The following PKD2 variants were observed in gnomAD, a reference collection of about 807,000 sequenced individuals.
The protein encoded by PKD2 is polycystin-2.
Under a neutral mutation model 105.9 loss-of-function variants are expected in PKD2, and 48 were observed. The observed-to-expected ratio is 0.45, with a 90% CI of 0.36 to 0.58. The LOEUF (loss-of-function observed/expected upper bound fraction) is 0.58. PKD2 is among the 20% of genes least tolerant of loss of function. The pLI, the probability that PKD2 is intolerant of heterozygous loss-of-function variation, is 0.00. For missense variants in PKD2, 1,078 were observed against 1,255.3 expected (o/e 0.86, Z 2.13); for synonymous variants, 464 against 481.1 (o/e 0.96, Z 0.46).
rs1720984338 is a variant in PKD2, at chr4:88,070,591, TA to T, written c.2522+2531del. The stretch of plus-strand genomic sequence containing the variant: ...TATTTATTTTATATATATATATATA[TA>T]TATATATATAGAGAGAGAGAGAGAG... On this transcript the variant is annotated intron_variant, in intron 13 of 14. Transcript: ENST00000237596. 1.3e-4 allele frequency among the ~76,000 whole-genome samples: 14 copies of T among 104,202 alleles called. 1 individual carries two copies. Among genetic ancestry groups the T allele is most frequent in the Admixed American group, 1.2e-4 (1 of 8,654 alleles). The allele number at this position is 104,202 out of a possible 152,430, so 68.4% of individuals were successfully genotyped here.
intron 2 of PKD2, among the ~76,000 whole-genome samples, chr4:88,030,661 G>T (rs1727113897): frequency 6.6e-6 from 1 of 152,122 alleles, no homozygotes; most frequent in African/African-American, 2.4e-5. Context: ...AAGCTTAGTG[G>T]TGCCCACCCG....
At chr4:88,044,205 A>G (rs1184493360) in intron 5 of PKD2, among the ~76,000 whole-genome samples, 1 of 152,240 alleles carries the variant, frequency 6.6e-6, no homozygotes, top group East Asian at 1.9e-4. Context: ...ACATTAAACA[A>G]TACAAATAAA....
chr4:88,017,839 A>C (rs893620421), intron 1 of PKD2, among the ~76,000 whole-genome samples: 1 of 152,206 alleles, frequency 6.6e-6, no homozygotes, highest in Non-Finnish European at 1.5e-5. Context: ...AAAGAATGAA[A>C]TCATTGACCA....
intron 9 of PKD2, among the ~76,000 whole-genome samples, chr4:88,059,984 G>T (rs1032342347): frequency 6.6e-6 from 1 of 152,178 alleles, no homozygotes; most frequent in Admixed American, 6.5e-5. Flanking sequence ...CAACAGGAAA[G>T]ACATCCTGGT....
At chr4:88,036,133 C>T in intron 2 of PKD2, 87 bp from the exon 3 acceptor site, 1 of 1,610,534 alleles carries the variant, frequency 6.2e-7, no homozygotes, top group Admixed American at 1.7e-5. Flanking sequence ...TGTTTATCCA[C>T]AGGAACAATC....
At chr4:88,043,526 C>T (rs942294642) in intron 5 of PKD2, 69 bp downstream of exon 5, 1 of 1,165,796 alleles carries the variant, frequency 8.6e-7, no homozygotes, top group East Asian at 2.4e-5. Flanking sequence ...CTGGGGTTAG[C>T]CAGAAAAACC....
At chr4:88,030,752 G>A (rs764922986) in intron 2 of PKD2, among the ~76,000 whole-genome samples, 4 of 152,210 alleles carry the variant, frequency 2.6e-5, no homozygotes, top group East Asian at 1.9e-4. Flanking sequence ...CAGCTCATGC[G>A]TTCACCGCCC....
intron 11 of PKD2, 59 bp downstream of exon 11, chr4:88,065,554 G>A: frequency 6.4e-7 from 1 of 1,558,988 alleles, no homozygotes; most frequent in Non-Finnish European, 8.8e-7. Flanking sequence ...TAAATTCCTG[G>A]TGATAAGAGT....
In PKD2 at chr4:88,038,261, G is replaced by C. The variant is rs1207656083; in HGVS notation, c.854G>C (p.Gly285Ala). 6.2e-7 allele frequency: 1 copy of C among 1,614,048 alleles called. No homozygotes were observed. Among genetic ancestry groups the C allele is most frequent in the Admixed American group, 1.7e-5 (1 of 60,014 alleles). ...SMEDFWKFTE[G>A]SLLDGLYWKM... is the part of the protein sequence containing the mutation. The stretch of plus-strand genomic sequence containing the variant: ...TTCCTTTGCTTTTAGTTCACAGAAG[G>C]CTCCTTATTGGATGGGCTGTACTGG... Residue 285 changes from glycine (G) to alanine (A), a missense_variant, in exon 4 of 15, where the codon GGC (glycine) becomes GCC (alanine). Around this residue, in one of 2 missense-constraint regions of PKD2, gnomAD observed 868 missense variants for 1,067.3 expected, o/e 0.81. Coordinates refer to ENST00000237596, the MANE Select transcript of PKD2 (RefSeq NM_000297.4).
intron 10 of PKD2, among the ~76,000 whole-genome samples, chr4:88,063,479 C>T (rs1335999293): frequency 6.7e-6 from 1 of 149,934 alleles, no homozygotes; most frequent in African/African-American, 2.5e-5. Context: ...TGCAGTGAGC[C>T]GAGATCGTGC....
intron 1 of PKD2, among the ~76,000 whole-genome samples, chr4:88,016,759 G>A (rs1188289795): frequency 1.3e-5 from 2 of 152,096 alleles, no homozygotes; most frequent in African/African-American, 2.4e-5. Context: ...TCAGGAGTTT[G>A]AGGCCAGCCT....
At chr4:88,021,346 G>A (rs1304461365) in intron 2 of PKD2, among the ~76,000 whole-genome samples, 1 of 152,200 alleles carries the variant, frequency 6.6e-6, no homozygotes, top group Non-Finnish European at 1.5e-5. Flanking sequence ...AGGTAAGTCA[G>A]AGAAGTAAGC....
chr4:88,030,886 G>C (rs1300171697), intron 2 of PKD2, among the ~76,000 whole-genome samples: 7 of 151,950 alleles, frequency 4.6e-5, no homozygotes, highest in Non-Finnish European at 8.8e-5. Flanking sequence ...CTAACACACA[G>C]AATTTCCTGT....
rs761228697 is a variant in PKD2 at position 88,052,205 on chromosome 4, A to G, written c.1716+47A>G. 26 of 1,197,168 alleles carry G rather than the reference A, an allele frequency of 2.2e-5. No homozygotes were observed. The African/African-American group carries it at 3.9e-4, about 18-fold the overall frequency. The allele number at this position is 1,197,168 out of a possible 1,614,324, so 74.2% of individuals were successfully genotyped here. On this transcript the variant is annotated intron_variant, in intron 7 of 14. Coordinates refer to ENST00000237596, the MANE Select transcript of PKD2 (RefSeq NM_000297.4). ...CTACATTTTAAATAATATTTTCTTTAAAAAAAATGAGTTCCACAAAATCAT... is the reference window on the plus strand; with the variant it reads ...CTACATTTTAAATAATATTTTCTTTGAAAAAAATGAGTTCCACAAAATCAT...
At chr4:88,055,638 C>A (rs1019599432) in intron 7 of PKD2, among the ~76,000 whole-genome samples, 1 of 140,862 alleles carries the variant, frequency 7.1e-6, no homozygotes, top group Non-Finnish European at 1.6e-5. Context: ...TGCACTCAGC[C>A]TTTTTTTTTT....
intron 9 of PKD2, among the ~76,000 whole-genome samples, chr4:88,061,665 G>A (rs903527227): frequency 1.3e-5 from 2 of 152,014 alleles, no homozygotes; most frequent in South Asian, 4.1e-4. Context: ...TTGAACCCAG[G>A]AGGCAGAGGT....
rs751602478 is a variant in PKD2, at chr4:88,009,661, A to C, written c.595+1333A>C. 4.9e-4 allele frequency among the ~76,000 whole-genome samples: 75 copies of C among 152,224 alleles called. 2 individuals carry two copies. The highest frequency in any genetic ancestry group is 2.5e-4 in the Non-Finnish European group (17 of 68,044). On this transcript the variant is annotated intron_variant, in intron 1 of 14. Transcript: ENST00000237596. ...GTTTATGGAGATTCTTATACTAGTT[A>C]ATTTTATTAAAAGCATGATGGGGAA... is the stretch of plus-strand genomic sequence containing the variant.
rs1241201430 is a variant in PKD2, at chr4:88,075,441, T to A, written c.2671-17T>A. 1 of 1,595,898 alleles carries A rather than the reference T, an allele frequency of 6.3e-7. No homozygotes were observed. The stretch of plus-strand genomic sequence containing the variant: ...CCTTCTACTGCCCCCAACACCAGTT[T>A]CTTTTTCCCTTTTTAGGATGAAAGG... On this transcript the variant is annotated splice_polypyrimidine_tract_variant and intron_variant, in intron 14 of 14. Coordinates refer to ENST00000237596, the MANE Select transcript of PKD2 (RefSeq NM_000297.4).
intron 9 of PKD2, among the ~76,000 whole-genome samples, chr4:88,058,952 A>G (rs1190099165): frequency 1.3e-5 from 2 of 152,206 alleles, no homozygotes; most frequent in African/African-American, 2.4e-5. Flanking sequence ...TCTTAAGAAC[A>G]ATTTTCTTAA....
Sources: gnomAD v4.1 joint callset for allele counts (sites outside exome capture counted in the v4.1 genomes callset) on GRCh38, gnomAD v4.1.1 for gene constraint, gnomAD v4.1.1 regional missense constraint, MANE v1.5 for transcripts, NCBI Gene and HGNC (gene_info 2026-07-23, HGNC 2026-07-21) for gene names.